GALNT17: variants seen among roughly 807,000 people sequenced by gnomAD.
The protein encoded by GALNT17 is polypeptide N-acetylgalactosaminyltransferase 17.
GALNT17 carries 29 observed loss-of-function variants against 63.7 expected under a neutral mutation model. The ratio of observed to expected loss-of-function variants is 0.46; its 90% confidence interval spans 0.34 to 0.62. The LOEUF is 0.62. Ranked by LOEUF, GALNT17 falls within the 20% of genes least tolerant of loss-of-function variation. The pLI is 0.01. For missense variants in GALNT17, 603 were observed against 799.6 expected (o/e 0.75, Z 2.97); for synonymous variants, 305 against 318.3 (o/e 0.96, Z 0.45).
In GALNT17 at chr7:71,303,916, T is replaced by C. The variant is rs1310620973; in HGVS notation, c.239-31634T>C. On this transcript the variant is annotated intron_variant, in intron 1 of 10. Transcript: ENST00000333538. ...TCCGGGGCAGCTGTAAGGCAAGTATTTTAAAAACAACCATGTTAAAATGAT... is the reference window on the plus strand; with the variant it reads ...TCCGGGGCAGCTGTAAGGCAAGTATCTTAAAAACAACCATGTTAAAATGAT... Among the ~76,000 whole-genome samples the C allele has an allele frequency of 3.9e-5, 6 of 152,194 alleles. No individual in the cohort carries two copies. The East Asian group carries it at 1.2e-3, about 29-fold the overall frequency.
At chr7:71,354,683 T>G (rs2116198440) in intron 2 of GALNT17, among the ~76,000 whole-genome samples, 1 of 152,306 alleles carries the variant, frequency 6.6e-6, no homozygotes, top group South Asian at 2.1e-4. Context: ...TCTCTCTCTC[T>G]CTGCTTTCCT....
intron 1 of GALNT17, among the ~76,000 whole-genome samples, chr7:71,196,640 T>A (rs1164934995): frequency 1.3e-5 from 2 of 151,626 alleles, no homozygotes; most frequent in African/African-American, 4.9e-5. Context: ...AAAAAAAAAT[T>A]ATTATTATTT....
intron 3 of GALNT17, among the ~76,000 whole-genome samples, chr7:71,400,363 T>C (rs996497425): frequency 1.3e-5 from 2 of 152,216 alleles, no homozygotes; most frequent in African/African-American, 2.4e-5. Context: ...TTCCATGGTG[T>C]ATATCAAGAA....
At chr7:71,580,399 TGATAGATAGATAGATAGATA>T (rs59745749) in intron 6 of GALNT17, among the ~76,000 whole-genome samples, 4 of 147,478 alleles carry the variant, frequency 2.7e-5, no homozygotes, top group African/African-American at 7.5e-5. Context: ...GATAGATGGA[TGATAGATAGATAGATAGATA>T]GATAGATAGA....
chr7:71,597,675 TG>T (rs1184191864), intron 6 of GALNT17, among the ~76,000 whole-genome samples: 2 of 152,122 alleles, frequency 1.3e-5, no homozygotes, highest in African/African-American at 4.8e-5. Flanking sequence ...AGATGAGCCA[TG>T]GTGATTTGTG....
intron 1 of GALNT17, chr7:71,307,746 A>G (rs1427508532): frequency 6.6e-6 from 1 of 152,258 alleles, no homozygotes; most frequent in Non-Finnish European, 1.5e-5. Flanking sequence ...GGAACCAGAA[A>G]ATGAGAAGTT....
At chr7:71,317,317 C>T (rs1484230294) in intron 1 of GALNT17, among the ~76,000 whole-genome samples, 1 of 152,148 alleles carries the variant, frequency 6.6e-6, no homozygotes, top group Non-Finnish European at 1.5e-5. Context: ...ACACTGAGCT[C>T]TTAGGAAATC....
At chr7:71,319,263 C>A (rs1264971674) in intron 1 of GALNT17, among the ~76,000 whole-genome samples, 1 of 151,978 alleles carries the variant, frequency 6.6e-6, no homozygotes, top group Non-Finnish European at 1.5e-5. Context: ...GCCTCTTGTT[C>A]TCTCTTGAAT....
chr7:71,152,793 C>T (rs1372810663), intron 1 of GALNT17, among the ~76,000 whole-genome samples: 3 of 151,822 alleles, frequency 2.0e-5, no homozygotes, highest in Non-Finnish European at 4.4e-5. Context: ...CCACCATGCC[C>T]AGCTAATTTT....
intron 6 of GALNT17, among the ~76,000 whole-genome samples, chr7:71,629,611 C>T (rs1158488495): frequency 3.9e-5 from 6 of 152,038 alleles, no homozygotes; most frequent in Non-Finnish European, 7.4e-5. Flanking sequence ...TCTTGAGTAG[C>T]GGGGACTGTG....
chr7:71,574,179 AGTAAATGAGATACT>A (rs2116884539), intron 6 of GALNT17, among the ~76,000 whole-genome samples: 1 of 152,344 alleles, frequency 6.6e-6, no homozygotes, highest in East Asian at 1.9e-4. Context: ...TATACCCAGT[AGTAAATGAGATACT>A]GGGTCAAATG....
intron 6 of GALNT17, among the ~76,000 whole-genome samples, chr7:71,577,553 T>C (rs1026805307): frequency 1.1e-4 from 16 of 152,098 alleles, no homozygotes; most frequent in Non-Finnish European, 1.8e-4. Flanking sequence ...TCAGGGCCTT[T>C]CCATGGTTCA....
At chr7:71,513,548 G>C (rs1210311800) in intron 5 of GALNT17, among the ~76,000 whole-genome samples, 1 of 151,900 alleles carries the variant, frequency 6.6e-6, no homozygotes, top group East Asian at 1.9e-4. Context: ...ACCATGCCTG[G>C]CTAAGTTTTG....
At chr7:71,583,927 A>G (rs1041592253) in intron 6 of GALNT17, among the ~76,000 whole-genome samples, 8 of 151,760 alleles carry the variant, frequency 5.3e-5, no homozygotes, top group Non-Finnish European at 1.0e-4. Context: ...GATGGAGACT[A>G]TCCTGGCTAA....
chr7:71,316,393 G>A (rs1791501089), intron 1 of GALNT17, among the ~76,000 whole-genome samples: 1 of 152,138 alleles, frequency 6.6e-6, no homozygotes, highest in Admixed American at 6.5e-5. Context: ...TCTGTACATA[G>A]TATCTTCTCA....
chr7:71,439,064 ATTGT>A (rs963622880), intron 5 of GALNT17, among the ~76,000 whole-genome samples: 3 of 151,734 alleles, frequency 2.0e-5, no homozygotes, highest in Non-Finnish European at 4.4e-5. Context: ...ATTTTTTAAA[ATTGT>A]TTGTAGAGAT....
intron 1 of GALNT17, among the ~76,000 whole-genome samples, chr7:71,319,617 A>G (rs1791566991): frequency 6.6e-6 from 1 of 152,156 alleles, no homozygotes. Flanking sequence ...TTGGATGTCT[A>G]CTAGGCACCT....
chr7:71,218,636 T>C (rs1789529382), intron 1 of GALNT17, among the ~76,000 whole-genome samples: 1 of 152,054 alleles, frequency 6.6e-6, no homozygotes, highest in Non-Finnish European at 1.5e-5. Context: ...TGGCAAGCGA[T>C]CGAAGCTTCA....
At chr7:71,412,920 G>A (rs1191938240) in intron 3 of GALNT17, among the ~76,000 whole-genome samples, 1 of 152,058 alleles carries the variant, frequency 6.6e-6, no homozygotes, top group East Asian at 1.9e-4. Context: ...GCAGGCACCT[G>A]TAGTCCCAGC....
Sources: allele counts gnomAD v4.1 joint callset (sites outside exome capture counted in the v4.1 genomes callset), GRCh38; gene constraint gnomAD v4.1.1; transcripts MANE v1.5; gene names NCBI Gene and HGNC (gene_info 2026-07-23, HGNC 2026-07-21).